The following PYHIN1 variants were observed in gnomAD, a reference collection of about 807,000 sequenced individuals.
PYHIN1 encodes pyrin and HIN domain family member 1, also known as pyrin and HIN domain-containing protein 1.
PYHIN1 carries 32 observed loss-of-function variants against 43.7 expected under a neutral mutation model. That is an observed-to-expected ratio of 0.73 (90% CI 0.55 to 0.98). The LOEUF is 0.98. PYHIN1 is among the 50% of genes least tolerant of loss of function. PYHIN1 has a pLI of 0.00. For missense variants in PYHIN1, 588 were observed against 589.5 expected (o/e 1.00, Z 0.03); for synonymous variants, 205 against 203.1 (o/e 1.01, Z -0.08).
intron 6 of PYHIN1, 77 bp from the exon 7 acceptor site, chr1:158,944,798 G>T: frequency 9.1e-7 from 1 of 1,094,184 alleles, no homozygotes; most frequent in South Asian, 2.3e-5. Flanking sequence ...AATAAAGGAT[G>T]ATATTCTCAC....
chr1:158,978,803 C>T (rs1042387342), downstream of PYHIN1, among the ~76,000 whole-genome samples: 3 of 152,130 alleles, frequency 2.0e-5, no homozygotes, highest in East Asian at 1.9e-4. Flanking sequence ...ATTTAAACAG[C>T]GTCAACCTCT....
rs1557846602 is a variant in PYHIN1, at chr1:158,973,788, T to G, written c.*5+17T>G. The G allele has an allele frequency of 6.2e-7, 1 of 1,612,376 alleles. No homozygotes were observed. The highest frequency in any genetic ancestry group is 8.5e-7 in the Non-Finnish European group (1 of 1,178,886). On this transcript the variant is annotated intron_variant, in intron 8 of 8. Transcript: ENST00000368140. ...TTAAATAAGGTACCACCTTTCTATT[T>G]GCATTGCTGTACCTCTAAAATATAA...
rs1648270980 is a variant in PYHIN1, at chr1:158,933,196, T to A, written c.-21+1420T>A. Among the ~76,000 whole-genome samples the A allele has an allele frequency of 6.6e-6, 1 of 151,724 alleles. No homozygotes were observed. Among genetic ancestry groups the A allele is most frequent in the South Asian group, 2.1e-4 (1 of 4,828 alleles). On this transcript the variant is annotated intron_variant, in intron 1 of 8. Transcript: ENST00000368140. This position sits in a 1 kb window ranked among gnomAD's most constrained non-coding sequence, Gnocchi z 6.3. ...TAATGTATATTATGTGTGTATGTGA[T>A]CATGCATACATGTTTCCAAACATAA...
Position 158,937,005 on chromosome 1 carries a change from A to T in PYHIN1, c.95A>T (p.Asp32Val), listed in dbSNP as rs1287025206. Residue 32 changes from aspartate to valine, a missense_variant, in exon 2 of 9, where the codon GAT (aspartate) becomes GTT (valine). Coordinates refer to ENST00000368140, the MANE Select transcript of PYHIN1 (RefSeq NM_152501.5). ...FRIVKSLLSN[D>V]LKLNPKMKEE... ...ATTGTTAAGTCCTTACTGAGTAACG[A>T]TTTAAAACTTAATCCAAAAATGAAA... The T allele has an allele frequency of 1.9e-6, 3 of 1,614,108 alleles. No homozygotes were observed. Among genetic ancestry groups the T allele is most frequent in the East Asian group, 2.2e-5 (1 of 44,874 alleles).
intron 5 of PYHIN1, among the ~76,000 whole-genome samples, chr1:158,943,191 T>A (rs1649027592): frequency 6.6e-6 from 1 of 152,198 alleles, no homozygotes; most frequent in Non-Finnish European, 1.5e-5. Flanking sequence ...TTACCAGCAT[T>A]GCTTTCTGTA....
chr1:158,986,051 G>A, the PYHIN1 span, among the ~76,000 whole-genome samples: 2 of 152,018 alleles, frequency 1.3e-5, no homozygotes, highest in Admixed American at 6.6e-5. Flanking sequence ...TTAAGCTTTT[G>A]TATTATTTTA....
In PYHIN1 at chr1:158,933,494, C is replaced by T. The variant is rs1000366495; in HGVS notation, c.-21+1718C>T. On this transcript the variant is annotated intron_variant, in intron 1 of 8. Transcript: ENST00000368140. This position sits in a 1 kb window ranked among gnomAD's most constrained non-coding sequence, Gnocchi z 6.3. ...TAAGCTGGCTTTCTTCTAGTTTCTC[C>T]TTGCATGATAATTTAAATTTTTTTT... 2.6e-5 allele frequency among the ~76,000 whole-genome samples: 4 copies of T among 151,770 alleles called. No homozygotes were observed. Among genetic ancestry groups the T allele is most frequent in the Admixed American group, 2.0e-4 (3 of 15,246 alleles).
At chr1:158,940,932 T>C (rs1297153744) in intron 4 of PYHIN1, among the ~76,000 whole-genome samples, 4 of 152,228 alleles carry the variant, frequency 2.6e-5, no homozygotes, top group African/African-American at 9.6e-5. Context: ...AGTTATATGA[T>C]CCCCTTCATG....
chr1:158,978,945 G>A (rs1429768344), downstream of PYHIN1, among the ~76,000 whole-genome samples: 2 of 152,278 alleles, frequency 1.3e-5, no homozygotes, highest in African/African-American at 2.4e-5. Context: ...GAGAAAGACA[G>A]AACAGCTCAC....
At chr1:158,984,650 T>C in the PYHIN1 span, among the ~76,000 whole-genome samples, 1 of 152,182 alleles carries the variant, frequency 6.6e-6, no homozygotes, top group African/African-American at 2.4e-5. Flanking sequence ...ATGTTCCTTA[T>C]ATGTCTGTTA....
At chr1:158,975,517 A>C (rs1633297) in intron 8 of PYHIN1, among the ~76,000 whole-genome samples, 139,442 of 152,120 alleles carry the variant, frequency 0.92, 65,134 homozygotes, top group East Asian at 1. Flanking sequence ...GACATAAAAA[A>C]CTTGCATAGT....
intron 7 of PYHIN1, among the ~76,000 whole-genome samples, chr1:158,962,776 C>T (rs1650396923): frequency 6.6e-6 from 1 of 152,146 alleles, no homozygotes; most frequent in Non-Finnish European, 1.5e-5. Flanking sequence ...AGACAGGGCT[C>T]CTGGCTTTGA....
At chr1:158,942,456 C>A in intron 5 of PYHIN1, 57 bp downstream of exon 5, 1 of 1,358,104 alleles carries the variant, frequency 7.4e-7, no homozygotes, top group Non-Finnish European at 1.0e-6. Flanking sequence ...AAATTAAAAG[C>A]CCTGATGTGC....
chr1:158,938,640 A>G, intron 3 of PYHIN1, 98 bp downstream of exon 3: 1 of 1,235,606 alleles, frequency 8.1e-7, no homozygotes, highest in Non-Finnish European at 1.1e-6. Flanking sequence ...ATTTCTTCAT[A>G]TGTTTCCCAT....
At chr1:158,960,898 C>G (rs570237681) in intron 7 of PYHIN1, among the ~76,000 whole-genome samples, 53 of 152,184 alleles carry the variant, frequency 3.5e-4, no homozygotes, top group African/African-American at 1.2e-3. Flanking sequence ...GATAGTAACT[C>G]AAGATGTTTT....
At chr1:158,988,529 G>C in the PYHIN1 span, among the ~76,000 whole-genome samples, 1 of 152,128 alleles carries the variant, frequency 6.6e-6, no homozygotes, top group Non-Finnish European at 1.5e-5. Context: ...AAATGTTAAA[G>C]ACGGTCTGAT....
At chr1:158,948,524 T>G (rs1360289853) in intron 7 of PYHIN1, among the ~76,000 whole-genome samples, 1 of 152,196 alleles carries the variant, frequency 6.6e-6, no homozygotes, top group African/African-American at 2.4e-5. Flanking sequence ...CCCCCACATA[T>G]TCTAAGGCAG....
intron 4 of PYHIN1, among the ~76,000 whole-genome samples, chr1:158,941,528 T>A (rs903730043): frequency 2.6e-5 from 4 of 152,216 alleles, no homozygotes; most frequent in African/African-American, 9.6e-5. Flanking sequence ...TCTACATTGG[T>A]AATAACTAAA....
intron 7 of PYHIN1, among the ~76,000 whole-genome samples, chr1:158,966,369 A>T (rs955721842): frequency 6.6e-6 from 1 of 152,146 alleles, no homozygotes; most frequent in Non-Finnish European, 1.5e-5. Context: ...TCTCCAATTC[A>T]TTCTATGAGG....
Sources: gnomAD v4.1 joint callset for allele counts (sites outside exome capture counted in the v4.1 genomes callset) on GRCh38, gnomAD v4.1.1 for gene constraint, Gnocchi (gnomAD v3.1) non-coding constraint, MANE v1.5 for transcripts, NCBI Gene and HGNC (gene_info 2026-07-23, HGNC 2026-07-21) for gene names.